The following CNTN4 variants were observed in gnomAD, a reference collection of about 807,000 sequenced individuals.
The protein encoded by CNTN4 is contactin 4.
CNTN4 carries 77 observed loss-of-function variants against 122.5 expected under a neutral mutation model. The ratio of observed to expected loss-of-function variants is 0.63; its 90% CI spans 0.52 to 0.76. The LOEUF is 0.76. CNTN4 is among the 30% of genes least tolerant of loss of function. The pLI is 0.00. For missense variants in CNTN4, 1,256 were observed against 1,259.1 expected (o/e 1.00, Z 0.04); for synonymous variants, 512 against 447.0 (o/e 1.15, Z -1.83).
intron 3 of CNTN4, among the ~76,000 whole-genome samples, chr3:2,382,849 G>A (rs544006274): frequency 3.9e-5 from 6 of 152,050 alleles, no homozygotes; most frequent in South Asian, 2.1e-4. Context: ...CGAGGCGGGC[G>A]GATCACCTGA....
At chr3:2,120,351 T>TTATATATATATATATATATATAAA (rs1343517731) in intron 2 of CNTN4, among the ~76,000 whole-genome samples, 5 of 45,930 alleles carry the variant, frequency 1.1e-4, no homozygotes, top group Non-Finnish European at 1.5e-4. Context: ...GGCATTTAGG[T>TTATATATATATATATATATATAAA]TATATATATA....
intron 12 of CNTN4, among the ~76,000 whole-genome samples, chr3:2,910,506 G>C (rs555155641): frequency 6.6e-6 from 1 of 152,216 alleles, no homozygotes; most frequent in Non-Finnish European, 1.5e-5. Context: ...AAGAGGCAAA[G>C]TTTTTCATCA....
In CNTN4 at chr3:2,658,942, T is replaced by A. The variant is rs1426564355; in HGVS notation, c.56-77273T>A. On this transcript the variant is annotated intron_variant, in intron 4 of 24. Transcript: ENST00000418658. ...GCATTTTTTTATGTGGACATGCAAA[T>A]AACACACCCACACACACAAACAGAC... Among the ~76,000 whole-genome samples, 13 of 141,120 alleles carry A rather than the reference T, an allele frequency of 9.2e-5. No individual in the cohort carries two copies. In the Admixed American group the frequency reaches 9.9e-4, roughly 11 times the overall value. 92.6% of individuals were successfully genotyped at this position (141,120 alleles called of 152,430 possible).
rs147846952 is a variant in CNTN4, at chr3:2,404,143, T to C, written c.-89+64910T>C. 2.0e-5 allele frequency among the ~76,000 whole-genome samples: 3 copies of C among 152,324 alleles called. No individual in the cohort carries two copies. The East Asian group carries it at 5.8e-4, about 29-fold the overall frequency. On this transcript the variant is annotated intron_variant, in intron 3 of 24. Coordinates refer to ENST00000418658, the MANE Select transcript of CNTN4 (RefSeq NM_175607.3). ...GCAGAAACCTCATGTATTTGTTTTC[T>C]AGTGCTGCTCTAATGAATTACCACA...
At chr3:2,153,444 G>A (rs1363547269) in intron 2 of CNTN4, among the ~76,000 whole-genome samples, 2 of 152,240 alleles carry the variant, frequency 1.3e-5, no homozygotes, top group African/African-American at 4.8e-5. Context: ...GTAACCTGGG[G>A]AGAATTGTTG....
intron 3 of CNTN4, among the ~76,000 whole-genome samples, chr3:2,346,148 C>T (rs3856837): frequency 0.49 from 74,491 of 151,436 alleles, 18,486 homozygotes; most frequent in Admixed American, 0.52. Context: ...TTTCTAAATG[C>T]TTTTCCACCT....
intron 2 of CNTN4, among the ~76,000 whole-genome samples, chr3:2,323,815 A>G (rs900414142): frequency 6.6e-6 from 1 of 152,208 alleles, no homozygotes; most frequent in African/African-American, 2.4e-5. Context: ...CAATACTAAT[A>G]CAAACAATTT....
At chr3:2,377,202 A>AT (rs1559499500) in intron 3 of CNTN4, among the ~76,000 whole-genome samples, 3 of 151,782 alleles carry the variant, frequency 2.0e-5, no homozygotes, top group Non-Finnish European at 4.4e-5. Context: ...TTTCATTCCA[A>AT]GTTTTTAGAT....
chr3:2,978,971 A>G (rs567012637), intron 13 of CNTN4, among the ~76,000 whole-genome samples: 185 of 152,314 alleles, frequency 1.2e-3, no homozygotes, highest in Middle Eastern at 6.8e-3. Context: ...GCTTGGGGAA[A>G]GAAATACAGA....
chr3:2,188,228 A>G (rs964727746), intron 2 of CNTN4, among the ~76,000 whole-genome samples: 1 of 152,154 alleles, frequency 6.6e-6, no homozygotes, highest in Non-Finnish European at 1.5e-5. Context: ...ATGGAAGTCC[A>G]TGAGAGTCCA....
rs2087005893 is a variant in CNTN4, at chr3:2,709,784, C to G, written c.56-26431C>G. The stretch of plus-strand genomic sequence containing the variant: ...CAAAAATTAGCCAGGCGTGGTGGTG[C>G]ACACCTGTAGTCCCAGCTACTTGGG... On this transcript the variant is annotated intron_variant, in intron 4 of 24. Coordinates refer to ENST00000418658, the MANE Select transcript of CNTN4 (RefSeq NM_175607.3). This position sits in a 1 kb window ranked among gnomAD's most constrained non-coding sequence, Gnocchi z 5.0. Among the ~76,000 whole-genome samples the G allele has an allele frequency of 6.6e-6, 1 of 151,906 alleles. No homozygotes were observed. The highest frequency in any genetic ancestry group is 1.5e-5 in the Non-Finnish European group (1 of 67,976).
At chr3:2,456,738 T>A (rs528627510) in intron 3 of CNTN4, among the ~76,000 whole-genome samples, 1 of 152,298 alleles carries the variant, frequency 6.6e-6, no homozygotes, top group African/African-American at 2.4e-5. Context: ...CCACTGTGTA[T>A]ATATACCGCA....
intron 3 of CNTN4, among the ~76,000 whole-genome samples, chr3:2,389,892 G>C (rs975689523): frequency 6.6e-6 from 1 of 152,158 alleles, no homozygotes; most frequent in Admixed American, 6.5e-5. Context: ...CAAAATAATT[G>C]TCCTGTAATA....
chr3:2,225,948 C>G (rs990563828), intron 2 of CNTN4, among the ~76,000 whole-genome samples: 1 of 152,178 alleles, frequency 6.6e-6, no homozygotes, highest in African/African-American at 2.4e-5. Context: ...TTTCCTCTAA[C>G]TTTAAGACCT....
At chr3:2,190,964 C>T (rs764177422) in intron 2 of CNTN4, among the ~76,000 whole-genome samples, 1 of 152,102 alleles carries the variant, frequency 6.6e-6, no homozygotes, top group East Asian at 1.9e-4. Flanking sequence ...TCTTGACTTT[C>T]ACCTCACCAG....
chr3:2,536,870 A>G (rs2077828557), intron 3 of CNTN4, among the ~76,000 whole-genome samples: 1 of 152,018 alleles, frequency 6.6e-6, no homozygotes, highest in Admixed American at 6.6e-5. Flanking sequence ...AGGTTCTAGA[A>G]TACCACCATA....
chr3:2,663,301 A>T (rs1576380522), intron 4 of CNTN4, among the ~76,000 whole-genome samples: 1 of 152,314 alleles, frequency 6.6e-6, no homozygotes, highest in Middle Eastern at 3.4e-3. Context: ...CAAGTAATTG[A>T]TGGCATAGAA....
chr3:2,998,139 G>C (rs1040293625), intron 14 of CNTN4, among the ~76,000 whole-genome samples: 15 of 152,144 alleles, frequency 9.9e-5, no homozygotes, highest in African/African-American at 3.6e-4. Flanking sequence ...TTTGTCCACA[G>C]CATGGGTAGA....
intron 3 of CNTN4, among the ~76,000 whole-genome samples, chr3:2,568,680 G>A (rs973798406): frequency 2.6e-5 from 4 of 152,098 alleles, no homozygotes; most frequent in African/African-American, 4.8e-5. Flanking sequence ...TCAGAAAACC[G>A]GATGCTTTGG....
Sources: allele counts gnomAD v4.1 joint callset (sites outside exome capture counted in the v4.1 genomes callset), GRCh38; gene constraint gnomAD v4.1.1; non-coding constraint Gnocchi (gnomAD v3.1); transcripts MANE v1.5; gene names NCBI Gene and HGNC (gene_info 2026-07-23, HGNC 2026-07-21).